Variants in DYNC1I2 observed in about 807,000 individuals in gnomAD.
DYNC1I2 encodes cytoplasmic dynein 1 intermediate chain 2.
Under a neutral mutation model 88.6 loss-of-function variants are expected in DYNC1I2, and 53 were observed. That is an observed-to-expected ratio of 0.60 (90% CI 0.48 to 0.75). The LOEUF is 0.75. Among genes scored for constraint, DYNC1I2 ranks in the 30% least tolerant of loss-of-function variants. The pLI, the probability that DYNC1I2 is intolerant of heterozygous loss-of-function variation, is 0.00. For synonymous variants in DYNC1I2, 198 were observed against 254.6 expected, an observed-to-expected ratio of 0.78 and a Z score of 2.12; for missense variants, 458 against 766.6, an observed-to-expected ratio of 0.60 and a Z score of 4.75.
chr2:171,737,347 C>T (rs1164018076), intron 15 of DYNC1I2, among the ~76,000 whole-genome samples: 4 of 152,196 alleles, frequency 2.6e-5, no homozygotes, highest in Non-Finnish European at 5.9e-5. Context: ...AATAAGGTCA[C>T]ATTTACAGAT....
intron 3 of DYNC1I2, among the ~76,000 whole-genome samples, chr2:171,700,980 T>C (rs1686212612): frequency 6.6e-6 from 1 of 152,068 alleles, no homozygotes; most frequent in South Asian, 2.1e-4. Flanking sequence ...TTTTTGAGAG[T>C]TGACTCTGAG....
At chr2:171,747,219 A>G (rs1369190286) in intron 17 of DYNC1I2, among the ~76,000 whole-genome samples, 2 of 145,186 alleles carry the variant, frequency 1.4e-5, no homozygotes, top group African/African-American at 5.0e-5. Flanking sequence ...ATATATATAT[A>G]TATATATATA....
In DYNC1I2 at chr2:171,726,300, T is replaced by C; in HGVS notation, c.870+7T>C. 1 of 1,587,504 alleles carries C rather than the reference T, an allele frequency of 6.3e-7. No individual in the cohort carries two copies. Among genetic ancestry groups the C allele is most frequent in the Non-Finnish European group, 8.6e-7 (1 of 1,164,262 alleles). ...TTTGGATTGGTCATCTCAGGTAAAA[T>C]ATAACAAAATAGGCCGCTCTTAACT... On this transcript the variant is annotated splice_region_variant and intron_variant, in intron 10 of 17. Transcript: ENST00000397119.
intron 7 of DYNC1I2, among the ~76,000 whole-genome samples, chr2:171,717,541 C>T (rs1159454974): frequency 6.6e-6 from 1 of 152,076 alleles, no homozygotes; most frequent in Non-Finnish European, 1.5e-5. Flanking sequence ...AGAAGAAACA[C>T]ACTGATGGTA....
chr2:171,701,468 C>A (rs1459630507), intron 3 of DYNC1I2, among the ~76,000 whole-genome samples: 1 of 152,154 alleles, frequency 6.6e-6, no homozygotes, highest in Non-Finnish European at 1.5e-5. Flanking sequence ...CTGTGCCCAG[C>A]CCCTTGCTGT....
intron 3 of DYNC1I2, among the ~76,000 whole-genome samples, chr2:171,701,818 A>G (rs62184165): frequency 0.46 from 70,287 of 152,048 alleles, 18,863 homozygotes; most frequent in East Asian, 0.7. Context: ...AGAGTATACT[A>G]TCTGGCATAA....
rs1686728301 is a variant in DYNC1I2 at position 171,706,968 on chromosome 2, C to T, written c.245-319C>T. 5 of 473,416 alleles carry T rather than the reference C, an allele frequency of 1.1e-5. No individual in the cohort carries two copies. The South Asian group carries it at 1.4e-4, about 13-fold the overall frequency. 29.3% of individuals were successfully genotyped at this position (473,416 alleles called of 1,614,324 possible). A position where few individuals can be genotyped will look rare whatever the true frequency, so the allele number is the denominator to read the frequency against. Reference sequence around the variant, plus strand: ...TTACAAGGGGGAGAAGGAATGCTCTCCTTTGAAAATTAGTGGCCACATTTG... The same window carrying T: ...TTACAAGGGGGAGAAGGAATGCTCTTCTTTGAAAATTAGTGGCCACATTTG... On this transcript the variant is annotated intron_variant, in intron 4 of 17. Transcript: ENST00000397119.
chr2:171,727,752 A>G, intron 11 of DYNC1I2, 69 bp from the exon 12 acceptor site: 1 of 1,436,300 alleles, frequency 7.0e-7, no homozygotes, highest in South Asian at 1.3e-5. Context: ...CGGATAATAG[A>G]TTGATTTTTA....
intron 15 of DYNC1I2, among the ~76,000 whole-genome samples, chr2:171,734,911 T>C (rs1285273796): frequency 6.6e-6 from 1 of 152,228 alleles, no homozygotes; most frequent in Non-Finnish European, 1.5e-5. Flanking sequence ...GGCAGTGTTT[T>C]TAAATAATCT....
intron 15 of DYNC1I2, 60 bp downstream of exon 15, chr2:171,729,913 A>G (rs914602940): frequency 1.9e-6 from 3 of 1,577,970 alleles, no homozygotes; most frequent in Admixed American, 3.4e-5. Context: ...TGGTGATCTA[A>G]TACTACATAG....
chr2:171,741,863 C>G (rs1689450289), intron 15 of DYNC1I2, among the ~76,000 whole-genome samples: 1 of 152,022 alleles, frequency 6.6e-6, no homozygotes, highest in South Asian at 2.1e-4. Flanking sequence ...GGGTGGATCA[C>G]CTGAGGTCAG....
chr2:171,721,141 A>G (rs1272056924), intron 7 of DYNC1I2, among the ~76,000 whole-genome samples: 2 of 151,110 alleles, frequency 1.3e-5, no homozygotes, highest in East Asian at 3.9e-4. Context: ...AAAAAAAAAA[A>G]AAAAAAGAAC....
In DYNC1I2 at chr2:171,693,118, A is replaced by G. The variant is rs529786517; in HGVS notation, c.226+224A>G. 1.7e-3 allele frequency: 833 copies of G among 492,116 alleles called. 3 individuals are homozygous for G. Among genetic ancestry groups the G allele is most frequent in the South Asian group, 5.3e-3 (219 of 41,114 alleles). 30.5% of individuals were successfully genotyped at this position (492,116 alleles called of 1,614,324 possible). A position where few individuals can be genotyped will look rare whatever the true frequency, so the allele number is the denominator to read the frequency against. ...AATTATTAACATATACTGAACTACC[A>G]ATTGACTTCTCTTATTAAATCAGTA... On this transcript the variant is annotated intron_variant, in intron 3 of 17. Coordinates refer to ENST00000397119, the MANE Select transcript of DYNC1I2 (RefSeq NM_001378.3).
intron 13 of DYNC1I2, 137 bp downstream of exon 13, chr2:171,728,555 A>C (rs1481792951): frequency 2.5e-6 from 2 of 808,904 alleles, no homozygotes; most frequent in Non-Finnish European, 3.7e-6. Flanking sequence ...GTTTAATATA[A>C]GTTTGTTTCA....
At chr2:171,699,264 G>A (rs1686023765) in intron 3 of DYNC1I2, among the ~76,000 whole-genome samples, 1 of 152,030 alleles carries the variant, frequency 6.6e-6, no homozygotes. Flanking sequence ...CCGAGATCGC[G>A]CCATTGCACT....
chr2:171,728,038 C>A, intron 12 of DYNC1I2, 71 bp downstream of exon 12: 1 of 1,472,776 alleles, frequency 6.8e-7, no homozygotes, highest in Admixed American at 2.3e-5. Context: ...TTAGTAGTGG[C>A]CATCAGAGTC....
At chr2:171,693,863 G>A (rs778555528) in intron 3 of DYNC1I2, among the ~76,000 whole-genome samples, 20 of 152,146 alleles carry the variant, frequency 1.3e-4, no homozygotes, top group Admixed American at 2.6e-4. Context: ...AATTTTAAAA[G>A]TAAATGAATC....
At chr2:171,741,133 T>A (rs1689398186) in intron 15 of DYNC1I2, among the ~76,000 whole-genome samples, 1 of 152,214 alleles carries the variant, frequency 6.6e-6, no homozygotes. Context: ...ACTTCTTGTA[T>A]CAATGTATTG....
At chr2:171,701,776 TATAA>T (rs1173884845) in intron 3 of DYNC1I2, among the ~76,000 whole-genome samples, 1 of 152,250 alleles carries the variant, frequency 6.6e-6, no homozygotes, top group African/African-American at 2.4e-5. Flanking sequence ...CCAGTCATTT[TATAA>T]ATAGATTATT....
Sources: gnomAD v4.1 joint callset for allele counts (sites outside exome capture counted in the v4.1 genomes callset) on GRCh38, gnomAD v4.1.1 for gene constraint, MANE v1.5 for transcripts, NCBI Gene and HGNC (gene_info 2026-07-23, HGNC 2026-07-21) for gene names.